GAS2L3: variants seen among roughly 807,000 people sequenced by gnomAD.
GAS2L3 encodes the protein GAS2-like protein 3.
GAS2L3 carries 28 observed loss-of-function variants against 37.0 expected under a neutral mutation model. The observed-to-expected ratio is 0.76, with a 90% confidence interval of 0.56 to 1.04. GAS2L3 has a LOEUF of 1.04. Among genes scored for constraint, GAS2L3 ranks in the 50% least tolerant of loss-of-function variants. GAS2L3 has a pLI of 0.00. For synonymous variants in GAS2L3, 290 were observed against 296.6 expected, an observed-to-expected ratio of 0.98 and a Z score of 0.23; for missense variants, 793 against 817.6, an observed-to-expected ratio of 0.97 and a Z score of 0.37.
rs903826735 is a variant in GAS2L3 at position 100,627,845 on chromosome 12, A to C, written c.*2955A>C. The C allele has an allele frequency of 3.9e-5, 6 of 152,234 alleles. No homozygotes were observed. The highest frequency in any genetic ancestry group is 6.5e-5 in the Admixed American group (1 of 15,284). The allele number at this position is 152,234 out of a possible 1,614,324, so 9.4% of individuals were successfully genotyped here. On this transcript the variant is annotated 3_prime_UTR_variant, in exon 10 of 10. Coordinates refer to ENST00000547754, the MANE Select transcript of GAS2L3 (RefSeq NM_174942.3). ...AGAAGTAATGATGTGTACTTTCAAA[A>C]AAATGGAAAATGCTTTTATTTTATT...
At chr12:100,588,758 TC>T (rs1360543361) in intron 1 of GAS2L3, among the ~76,000 whole-genome samples, 2 of 152,116 alleles carry the variant, frequency 1.3e-5, no homozygotes, top group Non-Finnish European at 2.9e-5. Context: ...AGGAACGTAT[TC>T]CTTTCCCAGG....
intron 6 of GAS2L3, among the ~76,000 whole-genome samples, chr12:100,617,148 T>A (rs1956197862): frequency 6.6e-6 from 1 of 152,228 alleles, no homozygotes; most frequent in East Asian, 1.9e-4. Flanking sequence ...TTGAACTATT[T>A]CTGGCATAAA....
intron 1 of GAS2L3, among the ~76,000 whole-genome samples, chr12:100,585,050 G>A (rs1955762955): frequency 7.7e-6 from 1 of 130,602 alleles, no homozygotes; most frequent in Non-Finnish European, 1.6e-5. Flanking sequence ...CACCACACCT[G>A]GCTATTTTTT....
chr12:100,594,607 A>T (rs1407681820), intron 2 of GAS2L3, among the ~76,000 whole-genome samples: 2 of 151,890 alleles, frequency 1.3e-5, no homozygotes, highest in African/African-American at 4.8e-5. Flanking sequence ...AACTGTCCAG[A>T]TGGTTCAAGA....
chr12:100,621,540 G>A (rs1956251909), intron 8 of GAS2L3, among the ~76,000 whole-genome samples: 1 of 151,956 alleles, frequency 6.6e-6, no homozygotes, highest in African/African-American at 2.4e-5. Context: ...AGCATTTTTA[G>A]AGAAATGCAT....
At chr12:100,594,715 G>A (rs117669864) in intron 2 of GAS2L3, 160 bp from the exon 3 acceptor site, 3,540 of 343,996 alleles carry the variant, frequency 0.01, 26 homozygotes, top group Admixed American at 0.013. Context: ...GTAAAAAGGA[G>A]TGATATGAAT....
chr12:100,600,240 A>G, intron 3 of GAS2L3, 142 bp from the exon 4 acceptor site: 1 of 600,330 alleles, frequency 1.7e-6, no homozygotes, highest in Non-Finnish European at 2.9e-6. Context: ...TCTAATTTAT[A>G]TATTTGCTGT....
Position 100,600,364 on chromosome 12 carries a change from G to T in GAS2L3, c.19-18G>T. ...AAAGGTTTTATTCATTCAGTTGATT[G>T]ATTTTTTTTTTCTTTAGGTATGGTT... On this transcript the variant is annotated intron_variant, in intron 3 of 9. Coordinates refer to ENST00000547754, the MANE Select transcript of GAS2L3 (RefSeq NM_174942.3). The T allele has an allele frequency of 6.7e-7, 1 of 1,491,926 alleles. No homozygotes were observed. The highest frequency in any genetic ancestry group is 1.2e-5 in the South Asian group (1 of 82,218). 92.4% of individuals were successfully genotyped at this position (1,491,926 alleles called of 1,614,324 possible).
At position 100,624,743 on chromosome 12, in the gene GAS2L3, C is replaced by G; in HGVS notation, c.1938C>G (p.Pro646=). 1 of 1,613,958 alleles carries G rather than the reference C, an allele frequency of 6.2e-7. No individual in the cohort carries two copies. Among genetic ancestry groups the G allele is most frequent in the East Asian group, 2.2e-5 (1 of 44,864 alleles). Residue 646 remains proline, a synonymous_variant, in exon 10 of 10, where the codon CCC becomes CCG. Transcript: ENST00000547754. The part of the protein sequence containing the change: ...AKSQHSTKGP[P]RSGKTPASIR... ...GCCAGCATTCAACTAAAGGGCCTCC[C>G]AGAAGTGGCAAAACCCCAGCTTCAA...
intron 6 of GAS2L3, among the ~76,000 whole-genome samples, chr12:100,612,788 A>G (rs1293865301): frequency 1.3e-5 from 2 of 152,172 alleles, no homozygotes; most frequent in African/African-American, 2.4e-5. Context: ...TCATAATGTG[A>G]TAAGTGCAGC....
chr12:100,578,436 A>G (rs896905028), intron 1 of GAS2L3, among the ~76,000 whole-genome samples: 14 of 152,230 alleles, frequency 9.2e-5, no homozygotes, highest in African/African-American at 3.4e-4. Context: ...TAGTAAATAC[A>G]TAGTACTTGC....
chr12:100,601,772 G>T lies in GAS2L3; in HGVS notation c.303+19G>T, dbSNP rs752946987. On this transcript the variant is annotated intron_variant, in intron 5 of 9. Transcript: ENST00000547754. ...ATCAGGGGTAAGTAAATGTTCGACA[G>T]TATTGATTTTATGTCTTGGTACATA... 3 of 1,302,798 alleles carry T rather than the reference G, an allele frequency of 2.3e-6. No individual in the cohort carries two copies. In the Admixed American group the frequency reaches 5.5e-5, roughly 24 times the overall value. 80.7% of individuals were successfully genotyped at this position (1,302,798 alleles called of 1,614,324 possible).
At chr12:100,601,855 A>C in intron 5 of GAS2L3, 102 bp downstream of exon 5, 1 of 536,340 alleles carries the variant, frequency 1.9e-6, no homozygotes, top group East Asian at 3.1e-5. Context: ...CCAACTGGCT[A>C]TGAGATGTTG....
At chr12:100,599,606 A>T (rs75475776) in intron 3 of GAS2L3, among the ~76,000 whole-genome samples, 142 of 152,332 alleles carry the variant, frequency 9.3e-4, no homozygotes, top group African/African-American at 3.3e-3. Flanking sequence ...TTTAAAGATA[A>T]CACTGTTATT....
At chr12:100,609,619 C>G (rs988201721) in intron 5 of GAS2L3, among the ~76,000 whole-genome samples, 1 of 152,180 alleles carries the variant, frequency 6.6e-6, no homozygotes, top group Non-Finnish European at 1.5e-5. Flanking sequence ...ACTGGGCTTG[C>G]CTAGGACTTG....
intron 5 of GAS2L3, among the ~76,000 whole-genome samples, chr12:100,604,676 C>T (rs1956035264): frequency 6.6e-6 from 1 of 151,718 alleles, no homozygotes; most frequent in Non-Finnish European, 1.5e-5. Context: ...GTGGTCCAGA[C>T]CTTAGAGGAA....
In GAS2L3 at chr12:100,622,326, A is replaced by T; in HGVS notation, c.700A>T (p.Ile234Phe). The T allele has an allele frequency of 1.2e-6, 2 of 1,606,682 alleles. No homozygotes were observed. Among genetic ancestry groups the T allele is most frequent in the Non-Finnish European group, 1.7e-6 (2 of 1,173,870 alleles). Residue 234 changes from isoleucine (I) to phenylalanine (F), a missense_variant, in exon 9 of 10, where the codon ATT (isoleucine) becomes TTT (phenylalanine). Ile to Phe is a conservative substitution (Grantham distance 21). Transcript: ENST00000547754. ...TTGTAGTTGTTCTCATCGATTTTCT[A>T]TTGAGTATTTATCTGAAGGACGGTA... is the stretch of plus-strand genomic sequence containing the variant. ...PPCSCSHRFS[I>F]EYLSEGRYRL... is the part of the protein sequence containing the mutation.
chr12:100,598,947 C>T (rs956535346), intron 3 of GAS2L3, among the ~76,000 whole-genome samples: 2 of 152,096 alleles, frequency 1.3e-5, no homozygotes, highest in East Asian at 3.9e-4. Flanking sequence ...CCACTCACAC[C>T]CTGGGTAGAT....
At chr12:100,588,631 GT>G (rs1231061294) in intron 1 of GAS2L3, among the ~76,000 whole-genome samples, 1 of 152,094 alleles carries the variant, frequency 6.6e-6, no homozygotes. Context: ...CCAGGGCGGA[GT>G]TTTTTCCCAC....
Sources: gnomAD v4.1 joint callset for allele counts (sites outside exome capture counted in the v4.1 genomes callset) on GRCh38, gnomAD v4.1.1 for gene constraint, MANE v1.5 for transcripts, NCBI Gene and HGNC (gene_info 2026-07-23, HGNC 2026-07-21) for gene names.